The following ATP8A1 variants were observed in gnomAD, a reference collection of about 807,000 sequenced individuals.
The protein encoded by ATP8A1 is phospholipid-transporting ATPase IA.
In ATP8A1, 90 loss-of-function variants were observed where a neutral mutation model predicts 177.7. The observed-to-expected ratio is 0.51, with a 90% confidence interval of 0.43 to 0.60. The LOEUF is 0.60. Ranked by LOEUF, ATP8A1 falls within the 20% of genes least tolerant of loss-of-function variation. The pLI is 0.00. For synonymous variants in ATP8A1, 493 were observed against 485.9 expected (o/e 1.01, Z -0.19); for missense variants, 1,072 against 1,392.8 (o/e 0.77, Z 3.67).
chr4:42,594,037 T>C (rs1734470714), intron 6 of ATP8A1, among the ~76,000 whole-genome samples: 1 of 152,130 alleles, frequency 6.6e-6, no homozygotes, highest in African/African-American at 2.4e-5. Flanking sequence ...ACAAAAGATC[T>C]GGATAGATCC....
At chr4:42,579,731 C>A (rs932586780) in intron 11 of ATP8A1, 82 bp downstream of exon 11, 3 of 1,252,218 alleles carry the variant, frequency 2.4e-6, no homozygotes, top group African/African-American at 1.6e-5. Context: ...AGAAACAATA[C>A]GAAATAAAGT....
intron 2 of ATP8A1, chr4:42,626,784 G>C (rs932514546): frequency 1.6e-5 from 9 of 576,922 alleles, no homozygotes; most frequent in Non-Finnish European, 2.8e-5. Flanking sequence ...CAGAGGATGG[G>C]TGCTTATTCT....
At chr4:42,493,196 A>G (rs1722899829) in intron 24 of ATP8A1, among the ~76,000 whole-genome samples, 1 of 152,240 alleles carries the variant, frequency 6.6e-6, no homozygotes, top group African/African-American at 2.4e-5. Flanking sequence ...TTTGAAAATA[A>G]AATGACGTCA....
intron 8 of ATP8A1, 114 bp from the exon 9 acceptor site, chr4:42,586,590 A>G (rs1319934954): frequency 1.5e-5 from 16 of 1,032,710 alleles, no homozygotes; most frequent in Non-Finnish European, 2.8e-6. Context: ...CATTATTTTT[A>G]TAAGCAATTC....
intron 33 of ATP8A1, among the ~76,000 whole-genome samples, chr4:42,425,756 C>CGAGCT (rs1427651511): frequency 6.6e-6 from 1 of 152,130 alleles, no homozygotes; most frequent in African/African-American, 2.4e-5. Context: ...CTGTTCGGGC[C>CGAGCT]GAGCTCCGGT....
chr4:42,491,735 A>G (rs1431333637), intron 24 of ATP8A1, among the ~76,000 whole-genome samples: 1 of 152,178 alleles, frequency 6.6e-6, no homozygotes, highest in African/African-American at 2.4e-5. Context: ...GAGGCCACCT[A>G]AGGACTGTGT....
intron 31 of ATP8A1, 147 bp from the exon 32 acceptor site, chr4:42,444,781 G>C (rs1717028345): frequency 3.6e-6 from 3 of 824,164 alleles, no homozygotes; most frequent in Middle Eastern, 3.6e-4. Context: ...CCAGCAAAGA[G>C]ACAGGTAAAT....
chr4:42,573,235 T>C (rs1732083618), intron 14 of ATP8A1, among the ~76,000 whole-genome samples: 1 of 152,242 alleles, frequency 6.6e-6, no homozygotes, highest in Non-Finnish European at 1.5e-5. Context: ...TGCCAATTAT[T>C]AAACAGGCCA....
At chr4:42,616,228 A>G (rs1736903998) in intron 4 of ATP8A1, 150 bp from the exon 5 acceptor site, 1 of 663,172 alleles carries the variant, frequency 1.5e-6, no homozygotes, top group Admixed American at 3.0e-5. Flanking sequence ...ACATTGATGG[A>G]GGAGTGGTGA....
At chr4:42,512,852 T>C (rs1473769791) in intron 22 of ATP8A1, among the ~76,000 whole-genome samples, 1 of 152,192 alleles carries the variant, frequency 6.6e-6, no homozygotes, top group Non-Finnish European at 1.5e-5. Context: ...AGAACGTAAC[T>C]ATGAGAACTG....
intron 1 of ATP8A1, among the ~76,000 whole-genome samples, chr4:42,645,875 A>C (rs1397000915): frequency 6.6e-6 from 1 of 152,144 alleles, no homozygotes; most frequent in African/African-American, 2.4e-5. Flanking sequence ...CCAGGATTGG[A>C]TAAAACTTAG....
chr4:42,432,809 G>A (rs1715458276), intron 33 of ATP8A1, among the ~76,000 whole-genome samples: 1 of 152,162 alleles, frequency 6.6e-6, no homozygotes, highest in African/African-American at 2.4e-5. Context: ...GAGTGCAAAT[G>A]CCAAATTCTC....
chr4:42,548,272 C>T (rs1283234420), intron 19 of ATP8A1, among the ~76,000 whole-genome samples: 8 of 152,098 alleles, frequency 5.3e-5, no homozygotes, highest in Non-Finnish European at 7.3e-5. Context: ...TTCCTGATCC[C>T]GACTCATCTC....
At chr4:42,428,025 T>C (rs1490929205) in intron 33 of ATP8A1, among the ~76,000 whole-genome samples, 3 of 152,206 alleles carry the variant, frequency 2.0e-5, no homozygotes, top group South Asian at 2.1e-4. Flanking sequence ...CAAATGTGCA[T>C]CCCTCGGTCT....
intron 20 of ATP8A1, among the ~76,000 whole-genome samples, chr4:42,527,827 A>C (rs972294529): frequency 2.0e-5 from 3 of 152,180 alleles, no homozygotes; most frequent in Non-Finnish European, 4.4e-5. Context: ...AACTTGAGCC[A>C]GTTTATAGAC....
intron 1 of ATP8A1, among the ~76,000 whole-genome samples, chr4:42,635,166 T>G (rs2109522094): frequency 6.6e-6 from 1 of 152,274 alleles, no homozygotes; most frequent in African/African-American, 2.4e-5. Flanking sequence ...GAGTACTTTT[T>G]TTTTTAACAA....
At chr4:42,429,759 T>C (rs1281146909) in intron 33 of ATP8A1, among the ~76,000 whole-genome samples, 1 of 152,158 alleles carries the variant, frequency 6.6e-6, no homozygotes, top group Non-Finnish European at 1.5e-5. Flanking sequence ...ACAAGGAAAA[T>C]GTGGCATATC....
intron 25 of ATP8A1, among the ~76,000 whole-genome samples, chr4:42,471,100 A>G (rs929833273): frequency 6.6e-6 from 1 of 152,226 alleles, no homozygotes; most frequent in Non-Finnish European, 1.5e-5. Flanking sequence ...ACTACAAAAT[A>G]TTGTTAACTC....
chr4:42,589,721 T>C (rs376648839), intron 7 of ATP8A1, among the ~76,000 whole-genome samples: 1 of 152,216 alleles, frequency 6.6e-6, no homozygotes, highest in Non-Finnish European at 1.5e-5. Context: ...AATTTACTTA[T>C]GTATACATTT....
Sources: gnomAD v4.1 joint callset for allele counts (sites outside exome capture counted in the v4.1 genomes callset) on GRCh38, gnomAD v4.1.1 for gene constraint, MANE v1.5 for transcripts, NCBI Gene and HGNC (gene_info 2026-07-23, HGNC 2026-07-21) for gene names.